NTM: variants seen among roughly 807,000 people sequenced by gnomAD.
The protein encoded by NTM is IgLON family member 2.
A neutral mutation model predicts 42.1 loss-of-function variants in NTM; 13 were observed. The ratio of observed to expected loss-of-function variants is 0.31; its 90% CI spans 0.20 to 0.49. NTM has a LOEUF of 0.49. Ranked by LOEUF, NTM falls within the 20% of genes least tolerant of loss-of-function variation. The pLI, the probability that NTM is intolerant of heterozygous loss-of-function variation, is 0.99. For synonymous variants in NTM, 187 were observed against 179.2 expected (o/e 1.04, Z -0.35); for missense variants, 373 against 452.8 (o/e 0.82, Z 1.60).
chr11:132,164,213 C>T (rs1417988717), intron 3 of NTM, among the ~76,000 whole-genome samples: 1 of 152,106 alleles, frequency 6.6e-6, no homozygotes, highest in Admixed American at 6.5e-5. Flanking sequence ...TTTATGTGTT[C>T]TCTGGCTTTG....
At position 132,014,493 on chromosome 11, in the gene NTM, A is replaced by G. The variant is rs181582191; in HGVS notation, c.167+102845A>G. ...TATTGTTTCCATAGTGGTCGTACTA[A>G]TTTACATTCCCACCAGCAGTATGTA... On this transcript the variant is annotated intron_variant, in intron 2 of 8. Transcript: ENST00000683400. 3.3e-3 allele frequency among the ~76,000 whole-genome samples: 503 copies of G among 152,038 alleles called. 3 individuals carry two copies. The highest frequency in any genetic ancestry group is 0.011 in the African/African-American group (475 of 41,480).
chr11:132,020,571 A>T (rs1014580982), intron 2 of NTM, among the ~76,000 whole-genome samples: 2 of 152,076 alleles, frequency 1.3e-5, no homozygotes, highest in Non-Finnish European at 2.9e-5. Flanking sequence ...TCTACTTTAG[A>T]TTGATAGTAA....
intron 2 of NTM, among the ~76,000 whole-genome samples, chr11:132,004,783 T>C (rs901105301): frequency 1.3e-5 from 2 of 152,110 alleles, no homozygotes; most frequent in Admixed American, 1.3e-4. Context: ...TGATTCAGCT[T>C]TCAAGGAGCT....
chr11:131,489,082 G>T (rs1414446326), intron 1 of NTM, among the ~76,000 whole-genome samples: 4 of 152,162 alleles, frequency 2.6e-5, no homozygotes, highest in African/African-American at 9.7e-5. Flanking sequence ...CAGAGATCCA[G>T]CAGGTGGACC....
chr11:131,456,734 C>A (rs1352309699), intron 1 of NTM, among the ~76,000 whole-genome samples: 1 of 152,178 alleles, frequency 6.6e-6, no homozygotes, highest in African/African-American at 2.4e-5. Flanking sequence ...CTTGTGCATG[C>A]CTACATTTTG....
chr11:131,788,275 T>TA (rs1314430174), intron 1 of NTM, among the ~76,000 whole-genome samples: 2 of 152,012 alleles, frequency 1.3e-5, no homozygotes, highest in Admixed American at 6.5e-5. Flanking sequence ...TATGCCAACT[T>TA]AAAAAAATTT....
intron 4 of NTM, among the ~76,000 whole-genome samples, chr11:132,215,416 A>C (rs944222757): frequency 6.6e-6 from 1 of 151,818 alleles, no homozygotes; most frequent in Non-Finnish European, 1.5e-5. Context: ...ACTTATATAA[A>C]CCTCTTTAAA....
At chr11:132,034,301 C>A (rs964596173) in intron 2 of NTM, among the ~76,000 whole-genome samples, 1 of 152,142 alleles carries the variant, frequency 6.6e-6, no homozygotes, top group African/African-American at 2.4e-5. Flanking sequence ...TCCTGCCTGC[C>A]CAGAGATCAC....
intron 1 of NTM, among the ~76,000 whole-genome samples, chr11:131,798,130 A>G (rs2091774433): frequency 6.6e-6 from 1 of 152,182 alleles, no homozygotes; most frequent in African/African-American, 2.4e-5. Flanking sequence ...AAACAAGAAA[A>G]GGGTAGTAAT....
intron 3 of NTM, among the ~76,000 whole-genome samples, chr11:132,196,728 C>A (rs1018433534): frequency 2.0e-5 from 3 of 152,068 alleles, no homozygotes; most frequent in Non-Finnish European, 4.4e-5. Context: ...ACATTGAATA[C>A]ACATAGACAC....
intron 1 of NTM, among the ~76,000 whole-genome samples, chr11:131,709,637 T>C (rs1029642440): frequency 6.6e-6 from 1 of 152,204 alleles, no homozygotes; most frequent in African/African-American, 2.4e-5. Flanking sequence ...ACATGTTAAC[T>C]TCAAGATGTC....
At chr11:132,256,483 C>T (rs111985565) in intron 4 of NTM, among the ~76,000 whole-genome samples, 5 of 152,316 alleles carry the variant, frequency 3.3e-5, no homozygotes, top group African/African-American at 9.6e-5. Context: ...CAATCAGCCA[C>T]CTTCCACCTT....
intron 1 of NTM, among the ~76,000 whole-genome samples, chr11:131,432,949 G>A (rs1439206188): frequency 7.1e-6 from 1 of 140,614 alleles, no homozygotes; most frequent in Non-Finnish European, 1.5e-5. Flanking sequence ...CCGCCTCCCT[G>A]GTTCATGCCA....
intron 4 of NTM, among the ~76,000 whole-genome samples, chr11:132,214,661 G>C (rs1455122307): frequency 2.0e-5 from 3 of 152,040 alleles, no homozygotes; most frequent in African/African-American, 4.8e-5. Context: ...GGTTTGCCTG[G>C]CTGATGTTCA....
At chr11:131,933,054 C>T (rs1277147906) in intron 2 of NTM, among the ~76,000 whole-genome samples, 5 of 152,240 alleles carry the variant, frequency 3.3e-5, no homozygotes, top group Admixed American at 3.3e-4. Flanking sequence ...TTTTCCTCCA[C>T]AGCGCCAACT....
rs1182045380 is a variant in NTM, at chr11:131,940,709, A to G, written c.167+29061A>G. 2.6e-5 allele frequency among the ~76,000 whole-genome samples: 4 copies of G among 152,348 alleles called. No homozygotes were observed. The East Asian group carries it at 5.8e-4, about 22-fold the overall frequency. On this transcript the variant is annotated intron_variant, in intron 2 of 8. Transcript: ENST00000683400. ...TTATCTGAATCTAGGTTTATGGAAT[A>G]TTTGAATATCTGATACCAGACATGG...
At chr11:132,141,992 G>A (rs922515819) in intron 2 of NTM, among the ~76,000 whole-genome samples, 2 of 152,214 alleles carry the variant, frequency 1.3e-5, no homozygotes, top group Non-Finnish European at 2.9e-5. Context: ...CTGGAGGACA[G>A]AAGGGAGCTG....
chr11:131,508,689 G>T (rs1179800887), intron 1 of NTM, among the ~76,000 whole-genome samples: 6 of 150,890 alleles, frequency 4.0e-5, no homozygotes, highest in Admixed American at 1.3e-4. Context: ...TATACACCAT[G>T]GAATACTATG....
chr11:131,412,490 C>T (rs1471205113), intron 1 of NTM, among the ~76,000 whole-genome samples: 1 of 152,226 alleles, frequency 6.6e-6, no homozygotes, highest in Non-Finnish European at 1.5e-5. Context: ...ATCTCTATCA[C>T]TTCAATTTCT....
Sources: gnomAD v4.1 joint callset for allele counts (sites outside exome capture counted in the v4.1 genomes callset) on GRCh38, gnomAD v4.1.1 for gene constraint, MANE v1.5 for transcripts, NCBI Gene and HGNC (gene_info 2026-07-23, HGNC 2026-07-21) for gene names.